GRIP2: variants seen among roughly 807,000 people sequenced by gnomAD.
GRIP2 encodes the protein glutamate receptor-interacting protein 2.
GRIP2 carries 58 observed loss-of-function variants against 108.3 expected under a neutral mutation model. That is an observed-to-expected ratio of 0.54 (90% CI 0.43 to 0.67). GRIP2 has a LOEUF of 0.67. Ranked by LOEUF, GRIP2 falls within the 30% of genes least tolerant of loss-of-function variation. The pLI is 0.00. For missense variants in GRIP2, 1,278 were observed against 1,430.6 expected (o/e 0.89, Z 1.72); for synonymous variants, 586 against 598.2 (o/e 0.98, Z 0.30).
the GRIP2 span, among the ~76,000 whole-genome samples, chr3:14,582,406 A>G: frequency 1.1e-4 from 17 of 152,166 alleles, no homozygotes; most frequent in African/African-American, 4.1e-4. Context: ...GGCCACCCAC[A>G]AGATTTAGGG....
the GRIP2 span, among the ~76,000 whole-genome samples, chr3:14,570,264 C>T: frequency 6.6e-6 from 1 of 152,210 alleles, no homozygotes; most frequent in Non-Finnish European, 1.5e-5. Flanking sequence ...GTCTTCAGAG[C>T]ATGTGTGTCC....
At chr3:14,519,139 G>T (rs748595884) in intron 9 of GRIP2, among the ~76,000 whole-genome samples, 2 of 152,190 alleles carry the variant, frequency 1.3e-5, no homozygotes, top group Non-Finnish European at 2.9e-5. Context: ...AATGAATGAC[G>T]CTGTTTCAAG....
Position 14,540,123 on chromosome 3 carries a change from C to T in GRIP2, c.40+146G>A. Reference sequence around the variant, plus strand: ...TCAGACAGACAGCCCCAGCAAGTGTCCTGCCCCACCCTCCCCAAGCCCTGG... The same window carrying T: ...TCAGACAGACAGCCCCAGCAAGTGTTCTGCCCCACCCTCCCCAAGCCCTGG... On this transcript the variant is annotated intron_variant, in intron 1 of 23. Transcript: ENST00000621039. This position sits in a 1 kb window ranked among gnomAD's most constrained non-coding sequence, Gnocchi z 4.1. 2.9e-6 allele frequency: 3 copies of T among 1,033,692 alleles called. No homozygotes were observed. The highest frequency in any genetic ancestry group is 4.2e-6 in the Non-Finnish European group (3 of 715,528). 64.0% of individuals were successfully genotyped at this position (1,033,692 alleles called of 1,614,324 possible). A position where few individuals can be genotyped will look rare whatever the true frequency, so the allele number is the denominator to read the frequency against.
At chr3:14,545,259 G>C (rs1257677065), upstream of GRIP2, among the ~76,000 whole-genome samples, 1 of 152,264 alleles carries the variant, frequency 6.6e-6, no homozygotes, top group Non-Finnish European at 1.5e-5. Context: ...CCACTTCAGA[G>C]ATGAGGAAGC....
chr3:14,527,759 G>A (rs1694604071), intron 1 of GRIP2, among the ~76,000 whole-genome samples: 1 of 152,018 alleles, frequency 6.6e-6, no homozygotes, highest in South Asian at 2.1e-4. Context: ...AGGGGGGTGT[G>A]GTGGCAGGCA....
In GRIP2 at chr3:14,489,379, T is replaced by C. The variant is rs1416405788; in HGVS notation, c.*4286A>G. The C allele has an allele frequency of 6.6e-6, 1 of 152,658 alleles. No homozygotes were observed. The highest frequency in any genetic ancestry group is 1.9e-4 in the East Asian group (1 of 5,202). The allele number at this position is 152,658 out of a possible 1,614,324, so 9.5% of individuals were successfully genotyped here. Reference sequence around the variant, plus strand: ...TGTGGGTTGTGTTCTGGTGAGGTATTTCCCCCTCAACGTTTGCCAAACGCT... The same window carrying C: ...TGTGGGTTGTGTTCTGGTGAGGTATCTCCCCCTCAACGTTTGCCAAACGCT... On this transcript the variant is annotated 3_prime_UTR_variant, in exon 24 of 24. Transcript: ENST00000621039.
Position 14,523,707 on chromosome 3 carries a change from A to C in GRIP2, c.404-9T>G, listed in dbSNP as rs1212202875. ...GGGGTTATTCTCAGGAGCTGGGGAG[A>C]AATGGAGGACTCCTTTGAGTCCCTC... On this transcript the variant is annotated splice_polypyrimidine_tract_variant and intron_variant, in intron 4 of 23. Coordinates refer to ENST00000621039, the MANE Select transcript of GRIP2 (RefSeq NM_001080423.4). 6.3e-7 allele frequency: 1 copy of C among 1,598,540 alleles called. No individual in the cohort carries two copies. Among genetic ancestry groups the C allele is most frequent in the Non-Finnish European group, 8.6e-7 (1 of 1,169,232 alleles).
chr3:14,600,209 A>C, the GRIP2 span, among the ~76,000 whole-genome samples: 1 of 152,216 alleles, frequency 6.6e-6, no homozygotes, highest in Non-Finnish European at 1.5e-5. Flanking sequence ...CAACGAGCCC[A>C]ACAATGCATC....
chr3:14,572,380 G>T, the GRIP2 span, among the ~76,000 whole-genome samples: 1 of 151,844 alleles, frequency 6.6e-6, no homozygotes, highest in African/African-American at 2.4e-5. Context: ...TTGGGAGGCC[G>T]AATGGGCGGA....
chr3:14,490,394 C>G lies in GRIP2; in HGVS notation c.*3271G>C, dbSNP rs1348632439. ...AGAGTACTCGCTTCCTGGAAAGAAG[C>G]TCTTCCTCTGCTCACAGAACTGTGG... On this transcript the variant is annotated 3_prime_UTR_variant, in exon 24 of 24. Transcript: ENST00000621039. 6.5e-6 allele frequency: 1 copy of G among 152,714 alleles called. No individual in the cohort carries two copies. Among genetic ancestry groups the G allele is most frequent in the African/African-American group, 2.4e-5 (1 of 41,490 alleles). The allele number at this position is 152,714 out of a possible 1,614,324, so 9.5% of individuals were successfully genotyped here.
chr3:14,510,913 T>G (rs1404672766), intron 16 of GRIP2, among the ~76,000 whole-genome samples: 1 of 152,174 alleles, frequency 6.6e-6, no homozygotes, highest in Non-Finnish European at 1.5e-5. Flanking sequence ...CCAGGCTTGG[T>G]GCTAGATGTG....
chr3:14,557,116 G>A (rs1695247889), upstream of GRIP2, among the ~76,000 whole-genome samples: 1 of 152,224 alleles, frequency 6.6e-6, no homozygotes, highest in Non-Finnish European at 1.5e-5. Context: ...TCCCCCACAT[G>A]CAGAACTCCT....
the GRIP2 span, among the ~76,000 whole-genome samples, chr3:14,561,818 G>A: frequency 6.6e-6 from 1 of 152,384 alleles, no homozygotes; most frequent in Non-Finnish European, 1.5e-5. Context: ...CTCTGTGGGT[G>A]GAAGAGAGGA....
At chr3:14,534,125 A>T (rs898077612) in intron 1 of GRIP2, among the ~76,000 whole-genome samples, 2 of 152,214 alleles carry the variant, frequency 1.3e-5, no homozygotes, top group African/African-American at 4.8e-5. Context: ...GCTGATGCCT[A>T]TTCAGAGGGG....
the GRIP2 span, chr3:14,574,420 C>A: frequency 4.1e-6 from 3 of 733,144 alleles, no homozygotes; most frequent in Admixed American, 1.9e-5. Flanking sequence ...GGCTGCGAGG[C>A]TGCGGTGTCT....
intron 1 of GRIP2, among the ~76,000 whole-genome samples, chr3:14,528,812 A>G (rs1694630381): frequency 6.6e-6 from 1 of 152,166 alleles, no homozygotes; most frequent in Non-Finnish European, 1.5e-5. Flanking sequence ...CCATTCATCT[A>G]TATCTTCTTT....
At chr3:14,542,319 A>G (rs1694989889), upstream of GRIP2, among the ~76,000 whole-genome samples, 1 of 103,636 alleles carries the variant, frequency 9.6e-6, no homozygotes, top group Non-Finnish European at 2.4e-5. Flanking sequence ...ATGCCTGGCT[A>G]AGTTTTACAT....
At chr3:14,543,437 A>G (rs1303888614), upstream of GRIP2, among the ~76,000 whole-genome samples, 1 of 152,132 alleles carries the variant, frequency 6.6e-6, no homozygotes, top group Non-Finnish European at 1.5e-5. Flanking sequence ...AAGCACCTCA[A>G]ACACAGAGTG....
At chr3:14,501,026 G>A (rs1574990955) in intron 21 of GRIP2, among the ~76,000 whole-genome samples, 1 of 152,304 alleles carries the variant, frequency 6.6e-6, no homozygotes, top group East Asian at 1.9e-4. Context: ...CTTCCCTTCA[G>A]TGATCTATCC....
Sources: allele counts gnomAD v4.1 joint callset (sites outside exome capture counted in the v4.1 genomes callset), GRCh38; gene constraint gnomAD v4.1.1; non-coding constraint Gnocchi (gnomAD v3.1); transcripts MANE v1.5; gene names NCBI Gene and HGNC (gene_info 2026-07-23, HGNC 2026-07-21).